Variants in NFIB observed in about 807,000 individuals in gnomAD.
The protein encoded by NFIB is nuclear factor I B.
In NFIB, 11 loss-of-function variants were observed where a neutral mutation model predicts 61.5. The ratio of observed to expected loss-of-function variants is 0.18; its 90% CI spans 0.11 to 0.30. The LOEUF is 0.30. Among genes scored for constraint, NFIB ranks in the 10% least tolerant of loss-of-function variants. The probability of loss-of-function intolerance (pLI) is 1.00; values close to 1 mark genes in which losing one functional copy is unlikely to be tolerated. For synonymous variants in NFIB, 260 were observed against 216.5 expected (o/e 1.20, Z -1.76); for missense variants, 471 against 608.9 (o/e 0.77, Z 2.38).
intron 10 of NFIB, among the ~76,000 whole-genome samples, chr9:14,106,267 T>C (rs531190970): frequency 6.6e-6 from 1 of 152,294 alleles, no homozygotes; most frequent in African/African-American, 2.4e-5. Flanking sequence ...ACTGATCATA[T>C]GCATATCCTT....
rs73419603 is a variant in NFIB at position 14,353,792 on chromosome 9, G to A, written c.108+44732C>T. ...TAAGGGAGTTGAAGTTGAAATAGCCGTTGCTTTGTCCGTTCTAGAGTCCAA... is the reference window on the plus strand; with the variant it reads ...TAAGGGAGTTGAAGTTGAAATAGCCATTGCTTTGTCCGTTCTAGAGTCCAA... On this transcript the variant is annotated intron_variant, in intron 1 of 8. Coordinates refer to the NFIB transcript ENST00000380934. 8.2e-3 allele frequency among the ~76,000 whole-genome samples: 1,241 copies of A among 151,704 alleles called. 14 individuals are homozygous for A. Among genetic ancestry groups the A allele is most frequent in the African/African-American group, 0.029 (1,179 of 41,330 alleles).
chr9:14,289,927 T>A (rs976277898), intron 2 of NFIB, among the ~76,000 whole-genome samples: 1 of 152,024 alleles, frequency 6.6e-6, no homozygotes, highest in Non-Finnish European at 1.5e-5. Context: ...GATTTTAAAG[T>A]CTTAGTTCCT....
At chr9:14,450,608 G>T in the NFIB span, among the ~76,000 whole-genome samples, 1 of 152,008 alleles carries the variant, frequency 6.6e-6, no homozygotes, top group Non-Finnish European at 1.5e-5. Flanking sequence ...CCTCTACACT[G>T]CATTGAGAGA....
At chr9:14,113,778 T>C (rs1046694096) in intron 9 of NFIB, among the ~76,000 whole-genome samples, 1 of 152,208 alleles carries the variant, frequency 6.6e-6, no homozygotes, top group Non-Finnish European at 1.5e-5. Context: ...CACCTTTAAA[T>C]AGTTGGCCAC....
At chr9:14,295,821 C>G (rs2059412473) in intron 2 of NFIB, among the ~76,000 whole-genome samples, 1 of 152,030 alleles carries the variant, frequency 6.6e-6, no homozygotes, top group South Asian at 2.1e-4. Flanking sequence ...GATAGGACAC[C>G]CTTTACCCAC....
At chr9:14,486,844 T>A in the NFIB span, among the ~76,000 whole-genome samples, 1 of 152,190 alleles carries the variant, frequency 6.6e-6, no homozygotes, top group Non-Finnish European at 1.5e-5. Context: ...CCCTTTTCTA[T>A]ATTTTATTGT....
intron 1 of NFIB, among the ~76,000 whole-genome samples, chr9:14,382,672 A>C (rs544049075): frequency 5.3e-5 from 8 of 152,238 alleles, no homozygotes; most frequent in African/African-American, 1.9e-4. Context: ...GGAAGCTCCT[A>C]GCAGCACTGT....
chr9:14,306,249 C>T (rs943542138), intron 2 of NFIB, among the ~76,000 whole-genome samples: 6 of 152,046 alleles, frequency 3.9e-5, no homozygotes, highest in Non-Finnish European at 7.4e-5. Flanking sequence ...AGCAGCGCTG[C>T]GACTTTCCTC....
chr9:14,439,842 C>T, the NFIB span, among the ~76,000 whole-genome samples: 6 of 152,234 alleles, frequency 3.9e-5, no homozygotes, highest in African/African-American at 7.2e-5. Context: ...AAAACACCCC[C>T]GAGGCGGAAG....
chr9:14,288,386 T>C (rs1227570197), intron 2 of NFIB, among the ~76,000 whole-genome samples: 1 of 152,128 alleles, frequency 6.6e-6, no homozygotes, highest in Non-Finnish European at 1.5e-5. Flanking sequence ...GTATTAAATA[T>C]TTTGGCATCT....
chr9:14,236,656 T>G (rs2131993551), intron 2 of NFIB, among the ~76,000 whole-genome samples: 1 of 152,310 alleles, frequency 6.6e-6, no homozygotes, highest in East Asian at 1.9e-4. Flanking sequence ...GAGAATTTTT[T>G]GGATTCTATT....
chr9:14,250,041 T>G (rs2132122204), intron 2 of NFIB, among the ~76,000 whole-genome samples: 1 of 152,348 alleles, frequency 6.6e-6, no homozygotes, highest in South Asian at 2.1e-4. Flanking sequence ...AGTCTCTTTC[T>G]TCTTTTCTTG....
the NFIB span, among the ~76,000 whole-genome samples, chr9:14,471,006 C>T: frequency 6.6e-6 from 1 of 152,194 alleles, no homozygotes; most frequent in Non-Finnish European, 1.5e-5. Context: ...GATAATTGAA[C>T]TTGATGCATA....
At chr9:14,440,995 T>G in the NFIB span, among the ~76,000 whole-genome samples, 10 of 152,120 alleles carry the variant, frequency 6.6e-5, no homozygotes, top group Non-Finnish European at 1.3e-4. Flanking sequence ...ATTCCTGATA[T>G]GGAAGATAGA....
At chr9:14,457,014 G>C in the NFIB span, among the ~76,000 whole-genome samples, 1 of 152,144 alleles carries the variant, frequency 6.6e-6, no homozygotes, top group Non-Finnish European at 1.5e-5. Context: ...AACAATGAAT[G>C]AGACAATTCT....
chr9:14,495,446 C>CTT, the NFIB span, among the ~76,000 whole-genome samples: 46 of 117,262 alleles, frequency 3.9e-4, 1 homozygote, highest in African/African-American at 1.0e-3. Context: ...GAGAAATGAA[C>CTT]TTTTTTTTTT....
intron 2 of NFIB, among the ~76,000 whole-genome samples, chr9:14,227,556 G>A (rs2052587948): frequency 6.6e-6 from 1 of 152,142 alleles, no homozygotes; most frequent in African/African-American, 2.4e-5. Flanking sequence ...CTGAACCTAA[G>A]TAATATGAAT....
chr9:14,129,381 C>T (rs1287008218), intron 6 of NFIB, among the ~76,000 whole-genome samples: 7 of 147,580 alleles, frequency 4.7e-5, no homozygotes. Flanking sequence ...AAAGTGAATC[C>T]CCGCTCAAAA....
At chr9:14,415,577 G>A in the NFIB span, among the ~76,000 whole-genome samples, 5,034 of 152,258 alleles carry the variant, frequency 0.033, 276 homozygotes, top group African/African-American at 0.11. Context: ...ATTTCCCTTT[G>A]AATTTTCCAA....
Sources: gnomAD v4.1 joint callset for allele counts (sites outside exome capture counted in the v4.1 genomes callset) on GRCh38, gnomAD v4.1.1 for gene constraint, MANE v1.5 for transcripts, NCBI Gene and HGNC (gene_info 2026-07-23, HGNC 2026-07-21) for gene names.